The following STPG2 variants were observed in gnomAD, a reference collection of about 807,000 sequenced individuals.
STPG2 encodes the protein sperm-tail PG-rich repeat-containing protein 2.
A neutral mutation model predicts 54.2 loss-of-function variants in STPG2; 56 were observed. The ratio of observed to expected loss-of-function variants is 1.03; its 90% CI spans 0.83 to 1.29. STPG2 has a LOEUF of 1.29. STPG2 is among the 50% of genes most tolerant of loss of function. The probability of loss-of-function intolerance (pLI) is 0.00; values close to 1 mark genes in which losing one functional copy is unlikely to be tolerated. For missense variants in STPG2, 596 were observed against 544.9 expected (o/e 1.09, Z -0.93); for synonymous variants, 200 against 181.8 (o/e 1.10, Z -0.81).
intron 5 of STPG2, among the ~76,000 whole-genome samples, chr4:98,000,505 T>C (rs1735380508): frequency 1.3e-5 from 2 of 152,152 alleles, no homozygotes; most frequent in African/African-American, 4.8e-5. Flanking sequence ...ATATATAAAT[T>C]TGACTTGAAA....
chr4:97,942,124 A>G (rs1733006227), intron 8 of STPG2, among the ~76,000 whole-genome samples: 1 of 148,194 alleles, frequency 6.7e-6, no homozygotes, highest in Non-Finnish European at 1.5e-5. Context: ...ATACGTTTTA[A>G]ATATATATAT....
At chr4:97,599,879 A>ACATATACTC (rs1263543066) in intron 10 of STPG2, among the ~76,000 whole-genome samples, 2 of 151,968 alleles carry the variant, frequency 1.3e-5, no homozygotes, top group Non-Finnish European at 2.9e-5. Context: ...AAAATGTGGC[A>ACATATACTC]CATATACTCC....
chr4:97,489,903 C>T (rs1315375407), intron 4 of STPG2: 1 of 151,052 alleles, frequency 6.6e-6, no homozygotes, highest in Non-Finnish European at 1.5e-5. Context: ...GATTGCAGAT[C>T]TAGTATCCAT....
chr4:98,128,347 A>T, intron 3 of STPG2, 81 bp downstream of exon 3: 1 of 1,254,960 alleles, frequency 8.0e-7, no homozygotes, highest in Admixed American at 3.2e-5. Context: ...TTTCTTGGAG[A>T]AATAAGCCAG....
intron 10 of STPG2, among the ~76,000 whole-genome samples, chr4:97,678,884 C>A (rs575411250): frequency 6.0e-5 from 9 of 149,504 alleles, no homozygotes; most frequent in Non-Finnish European, 1.2e-4. Context: ...TGTTTGGTTT[C>A]TTGTTCTTGC....
At chr4:98,088,079 T>G (rs1468268870) in intron 5 of STPG2, among the ~76,000 whole-genome samples, 1 of 152,182 alleles carries the variant, frequency 6.6e-6, no homozygotes, top group Non-Finnish European at 1.5e-5. Flanking sequence ...AAGTGAGCAT[T>G]CAAGGTCAAA....
chr4:97,847,192 A>C (rs957520631), intron 8 of STPG2, among the ~76,000 whole-genome samples: 1 of 152,140 alleles, frequency 6.6e-6, no homozygotes, highest in South Asian at 2.1e-4. Context: ...CAAATTACTT[A>C]AATTTGGTTC....
intron 4 of STPG2, among the ~76,000 whole-genome samples, chr4:97,454,519 CAAAAAAAAAAAAAAAAAAAAAA>C (rs10564687): frequency 1.8e-4 from 8 of 43,692 alleles, no homozygotes; most frequent in East Asian, 2.5e-3. Flanking sequence ...GACTCCGTCT[CAAAAAAAAAAAAAAAAAAAAAA>C]AAAAAAAAAA....
In STPG2 at chr4:97,777,455, G is replaced by T. The variant is rs548292271; in HGVS notation, c.1204+63318C>A. Among the ~76,000 whole-genome samples, 3 of 152,142 alleles carry T rather than the reference G, an allele frequency of 2.0e-5. No homozygotes were observed. The South Asian group carries it at 6.2e-4, about 31-fold the overall frequency. On this transcript the variant is annotated intron_variant, in intron 9 of 10. Transcript: ENST00000295268. ...AGCCAAAAATTCCAATTCCTATCAG[G>T]AATCTCTCATACAGACTCTATGCTA...
intron 7 of STPG2, among the ~76,000 whole-genome samples, chr4:97,970,419 G>T (rs1734282885): frequency 6.6e-6 from 1 of 152,130 alleles, no homozygotes; most frequent in Non-Finnish European, 1.5e-5. Flanking sequence ...ATACTACAAG[G>T]CTACAGCAAC....
chr4:97,474,561 A>G (rs1381049986), intron 4 of STPG2, among the ~76,000 whole-genome samples: 1 of 152,088 alleles, frequency 6.6e-6, no homozygotes, highest in Non-Finnish European at 1.5e-5. Flanking sequence ...TTTCCATACT[A>G]CCCCTTGGTA....
At chr4:97,903,036 A>C (rs180976083) in intron 8 of STPG2, among the ~76,000 whole-genome samples, 50 of 152,312 alleles carry the variant, frequency 3.3e-4, no homozygotes, top group Non-Finnish European at 6.3e-4. Context: ...ATAGAAACAG[A>C]GTAGAAGGAT....
intron 10 of STPG2, among the ~76,000 whole-genome samples, chr4:97,663,324 A>T (rs1722427190): frequency 6.6e-6 from 1 of 152,174 alleles, no homozygotes; most frequent in Admixed American, 6.5e-5. Flanking sequence ...AGAAAAAGGA[A>T]TTTTTCAAAA....
intron 10 of STPG2, among the ~76,000 whole-genome samples, chr4:97,677,103 C>T (rs1722874873): frequency 1.3e-5 from 2 of 152,122 alleles, no homozygotes; most frequent in African/African-American, 4.8e-5. Flanking sequence ...ATTACTGAAG[C>T]ATTTTACTTA....
chr4:97,666,616 G>A (rs1722535066), intron 10 of STPG2, among the ~76,000 whole-genome samples: 1 of 152,014 alleles, frequency 6.6e-6, no homozygotes, highest in Admixed American at 6.6e-5. Flanking sequence ...TCAAACTGTT[G>A]TTTACAAAAT....
intron 3 of STPG2, among the ~76,000 whole-genome samples, chr4:98,115,507 T>TA (rs747356066): frequency 1.3e-5 from 2 of 152,018 alleles, no homozygotes; most frequent in Non-Finnish European, 2.9e-5. Context: ...ATTTGTCACT[T>TA]AGAGTCTTAC....
In STPG2 at chr4:97,802,715, C is replaced by T. The variant is rs593360; in HGVS notation, c.1204+38058G>A. ...CAAACTCCTGACCTCAGTTTATCCACGCACCTCAGCCTCCCAAATTGCTGG... is the reference window on the plus strand; with the variant it reads ...CAAACTCCTGACCTCAGTTTATCCATGCACCTCAGCCTCCCAAATTGCTGG... On this transcript the variant is annotated intron_variant, in intron 9 of 10. Transcript: ENST00000295268. 5.3e-3 allele frequency among the ~76,000 whole-genome samples: 804 copies of T among 152,054 alleles called. 3 individuals are homozygous for T. Among genetic ancestry groups the T allele is most frequent in the Non-Finnish European group, 8.6e-3 (587 of 67,994 alleles).
intron 5 of STPG2, among the ~76,000 whole-genome samples, chr4:98,055,512 A>G (rs1737452966): frequency 6.6e-6 from 1 of 152,178 alleles, no homozygotes. Context: ...TTAAACTGGC[A>G]AGGAGCAACC....
At chr4:98,132,813 A>G (rs1386021871) in intron 2 of STPG2, among the ~76,000 whole-genome samples, 2 of 151,984 alleles carry the variant, frequency 1.3e-5, no homozygotes, top group East Asian at 3.8e-4. Context: ...ACTCAAAACT[A>G]AAATTTGCTG....
Sources: allele counts gnomAD v4.1 joint callset (sites outside exome capture counted in the v4.1 genomes callset), GRCh38; gene constraint gnomAD v4.1.1; transcripts MANE v1.5; gene names NCBI Gene and HGNC (gene_info 2026-07-23, HGNC 2026-07-21).